PDE4D: variants seen among roughly 807,000 people sequenced by gnomAD.
PDE4D encodes the protein 3',5'-cyclic-AMP phosphodiesterase 4D.
Under a neutral mutation model 87.4 loss-of-function variants are expected in PDE4D, and 24 were observed. The observed-to-expected ratio is 0.27, with a 90% CI of 0.20 to 0.39. The LOEUF is 0.39. PDE4D is among the 10% of genes least tolerant of loss of function. PDE4D has a pLI of 1.00. For synonymous variants in PDE4D, 384 were observed against 383.2 expected (o/e 1.00, Z -0.02); for missense variants, 714 against 1,041.0 (o/e 0.69, Z 4.32).
At chr5:60,195,921 C>G (rs1001126256) in intron 1 of PDE4D, among the ~76,000 whole-genome samples, 1 of 151,736 alleles carries the variant, frequency 6.6e-6, no homozygotes, top group African/African-American at 2.4e-5. Context: ...TAGACATTGA[C>G]GGTTCTTTTC....
intron 2 of PDE4D, among the ~76,000 whole-genome samples, chr5:60,127,251 A>C (rs4547891): frequency 6.6e-6 from 1 of 151,940 alleles, no homozygotes; most frequent in African/African-American, 2.4e-5. Context: ...GGTGTGATTC[A>C]GATTATTGAG....
At chr5:60,207,981 G>A (rs970866084) in intron 1 of PDE4D, among the ~76,000 whole-genome samples, 1 of 152,122 alleles carries the variant, frequency 6.6e-6, no homozygotes, top group African/African-American at 2.4e-5. Flanking sequence ...TAAATGTATC[G>A]GGCTTCTAAC....
At chr5:58,996,617 A>T (rs1304598158) in intron 6 of PDE4D, among the ~76,000 whole-genome samples, 1 of 152,314 alleles carries the variant, frequency 6.6e-6, no homozygotes, top group African/African-American at 2.4e-5. Flanking sequence ...ATTGATAAAG[A>T]TAGATAGAGA....
rs1352460118 is a variant in PDE4D at position 58,973,212 on chromosome 5, C to T, written c.*1452G>A. On this transcript the variant is annotated 3_prime_UTR_variant, in exon 15 of 15. Coordinates refer to ENST00000340635, the MANE Select transcript of PDE4D (RefSeq NM_001104631.2). ...GCCTAGTTGGCTGTTTAACTTTTCT[C>T]TGTAAACCAAGAGTAAAAGCTAGTC... is the stretch of plus-strand genomic sequence containing the variant. 1 of 151,394 alleles carries T rather than the reference C, an allele frequency of 6.6e-6. No homozygotes were observed. The highest frequency in any genetic ancestry group is 1.5e-5 in the Non-Finnish European group (1 of 67,998). 9.4% of individuals were successfully genotyped at this position (151,394 alleles called of 1,614,324 possible). A position where few individuals can be genotyped will look rare whatever the true frequency, so the allele number is the denominator to read the frequency against.
intron 5 of PDE4D, among the ~76,000 whole-genome samples, chr5:59,092,725 T>C (rs1768961291): frequency 6.6e-6 from 1 of 152,210 alleles, no homozygotes; most frequent in Non-Finnish European, 1.5e-5. Flanking sequence ...CAATAGCTAC[T>C]TCCTGAGGTG....
chr5:60,131,268 C>T (rs776160383), intron 2 of PDE4D, among the ~76,000 whole-genome samples: 6 of 152,142 alleles, frequency 3.9e-5, no homozygotes, highest in Non-Finnish European at 5.9e-5. Context: ...TAGTATGGGG[C>T]TGAGAACAGA....
chr5:59,689,895 G>A (rs1750608426), intron 1 of PDE4D, among the ~76,000 whole-genome samples: 1 of 152,058 alleles, frequency 6.6e-6, no homozygotes, highest in African/African-American at 2.4e-5. Context: ...AAATCAATGT[G>A]CAAAAATCAC....
chr5:59,296,772 A>AACAC lies in PDE4D; in HGVS notation c.456-80808_456-80805dup, dbSNP rs10560642. ...GGAGCTGGTACAGTTAGAAATTAGT[A>AACAC]ACACACACACACACACACACACACA... is the stretch of plus-strand genomic sequence containing the variant. On this transcript the variant is annotated intron_variant, in intron 1 of 14. Coordinates refer to ENST00000340635, the MANE Select transcript of PDE4D (RefSeq NM_001104631.2). 1.1e-3 allele frequency among the ~76,000 whole-genome samples: 167 copies of AACAC among 150,060 alleles called. 1 individual carries two copies. The highest frequency in any genetic ancestry group is 1.7e-3 in the Non-Finnish European group (117 of 67,448).
At chr5:59,093,706 T>C (rs1190640134) in intron 5 of PDE4D, among the ~76,000 whole-genome samples, 1 of 152,214 alleles carries the variant, frequency 6.6e-6, no homozygotes, top group Non-Finnish European at 1.5e-5. Flanking sequence ...TTGTTTTGTG[T>C]GTGTGTGCAT....
intron 8 of PDE4D, among the ~76,000 whole-genome samples, chr5:58,991,329 T>TA (rs1237274211): frequency 6.6e-6 from 1 of 152,156 alleles, no homozygotes; most frequent in Admixed American, 6.6e-5. Flanking sequence ...GACTTCAGTG[T>TA]AAAGATTGTT....
At chr5:59,201,034 G>C (rs1747234792) in intron 2 of PDE4D, among the ~76,000 whole-genome samples, 1 of 151,654 alleles carries the variant, frequency 6.6e-6, no homozygotes, top group African/African-American at 2.4e-5. Flanking sequence ...TCTATATTCG[G>C]TAATCTCTAA....
At chr5:59,995,619 G>A (rs1015891582) in intron 2 of PDE4D, among the ~76,000 whole-genome samples, 16 of 151,918 alleles carry the variant, frequency 1.1e-4, no homozygotes, top group Admixed American at 7.9e-4. Context: ...GCACCCGGCC[G>A]CATTTTTCTT....
At chr5:59,272,812 T>C (rs932501088) in intron 1 of PDE4D, among the ~76,000 whole-genome samples, 1 of 152,142 alleles carries the variant, frequency 6.6e-6, no homozygotes, top group Non-Finnish European at 1.5e-5. Context: ...AAAATGTGAA[T>C]ATCTCATAGC....
chr5:60,172,007 T>G (rs772864241), intron 2 of PDE4D, among the ~76,000 whole-genome samples: 2 of 150,660 alleles, frequency 1.3e-5, no homozygotes, highest in Non-Finnish European at 3.0e-5. Context: ...TGTACTTTAG[T>G]TTGTTTATCC....
intron 2 of PDE4D, among the ~76,000 whole-genome samples, chr5:60,096,422 T>C (rs71627985): frequency 0.14 from 21,406 of 152,136 alleles, 1,562 homozygotes; most frequent in Middle Eastern, 0.22. Context: ...TAAAAATTAA[T>C]ATTGTTTAAT....
chr5:59,800,279 G>C (rs879742415), intron 1 of PDE4D, among the ~76,000 whole-genome samples: 3 of 151,964 alleles, frequency 2.0e-5, no homozygotes, highest in Non-Finnish European at 2.9e-5. Flanking sequence ...CTAGTGGCCA[G>C]TTTTGAGAAC....
intron 2 of PDE4D, chr5:59,193,818 G>A: frequency 1.0e-6 from 1 of 984,482 alleles, no homozygotes; most frequent in Non-Finnish European, 1.2e-6. Context: ...TAGTAGAAAT[G>A]GTGTTCCAGC....
At chr5:59,891,806 C>CACACACACAA (rs1244604461) in intron 1 of PDE4D, among the ~76,000 whole-genome samples, 1 of 151,818 alleles carries the variant, frequency 6.6e-6, no homozygotes, top group African/African-American at 2.4e-5. Context: ...CACACACACA[C>CACACACACAA]AAAACTCAAA....
At chr5:59,401,136 T>G (rs1790536144) in intron 1 of PDE4D, among the ~76,000 whole-genome samples, 1 of 152,206 alleles carries the variant, frequency 6.6e-6, no homozygotes, top group Non-Finnish European at 1.5e-5. Flanking sequence ...ATGGTATACA[T>G]AAAACATAAG....
Sources: allele counts gnomAD v4.1 joint callset (sites outside exome capture counted in the v4.1 genomes callset), GRCh38; gene constraint gnomAD v4.1.1; transcripts MANE v1.5; gene names NCBI Gene and HGNC (gene_info 2026-07-23, HGNC 2026-07-21).